Variants in FBXO16 observed in about 807,000 individuals in gnomAD.
The protein encoded by FBXO16 is F-box protein 16, also known as F-box only protein 16.
FBXO16 carries 31 observed loss-of-function variants against 41.0 expected under a neutral mutation model. The ratio of observed to expected loss-of-function variants is 0.76; its 90% CI spans 0.57 to 1.02. The LOEUF (loss-of-function observed/expected upper bound fraction) is 1.02, where lower values mean the gene tolerates loss of function less well. Ranked by LOEUF, FBXO16 falls within the 50% of genes least tolerant of loss-of-function variation. The pLI is 0.00. For synonymous variants in FBXO16, 133 were observed against 117.8 expected (o/e 1.13, Z -0.84); for missense variants, 361 against 346.2 (o/e 1.04, Z -0.34).
In FBXO16 at chr8:28,452,347, C is replaced by T. The variant is rs765810228; in HGVS notation, c.637G>A (p.Glu213Lys). The change falls in exon 6 of 9, where the codon GAG becomes AAG. Residue 213 changes from glutamate to lysine, a missense_variant. Glu to Lys is a moderately conservative substitution (Grantham distance 56). Coordinates refer to ENST00000380254, the MANE Select transcript of FBXO16 (RefSeq NM_172366.4). ...GATCGCCAGGGTGGAAGTGCTTTCT[C>T]CCCTGAGTTATTCTTCTTTCTTAAA... is the stretch of plus-strand genomic sequence containing the variant. ...SSLRKKNNSG[E>K]KALPPWRSSD... 6.2e-7 allele frequency: 1 copy of T among 1,614,156 alleles called. No individual in the cohort carries two copies. The highest frequency in any genetic ancestry group is 1.1e-5 in the South Asian group (1 of 91,080).
At chr8:28,441,489 A>G (rs1802773531) in intron 7 of FBXO16, among the ~76,000 whole-genome samples, 1 of 152,222 alleles carries the variant, frequency 6.6e-6, no homozygotes, top group African/African-American at 2.4e-5. Flanking sequence ...TAATCCCAGC[A>G]CTTTGGGAGG....
At chr8:28,490,000 C>T (rs187370492) in intron 1 of FBXO16, among the ~76,000 whole-genome samples, 186 bp downstream of exon 1, 1 of 152,152 alleles carries the variant, frequency 6.6e-6, no homozygotes, top group East Asian at 1.9e-4. Flanking sequence ...AAAGCTAATG[C>T]TTGGTAGGCA....
chr8:28,453,604 T>C (rs1381775862), intron 5 of FBXO16, among the ~76,000 whole-genome samples: 1 of 151,938 alleles, frequency 6.6e-6, no homozygotes, highest in East Asian at 1.9e-4. Flanking sequence ...ATTAAGAGAT[T>C]AGGGAAGCTT....
chr8:28,453,759 G>A (rs1159976978), intron 5 of FBXO16, among the ~76,000 whole-genome samples: 1 of 151,918 alleles, frequency 6.6e-6, no homozygotes, highest in Non-Finnish European at 1.5e-5. Context: ...AGTACTCAGT[G>A]TTGTAATTAT....
chr8:28,439,233 A>T (rs1482053751), intron 7 of FBXO16, among the ~76,000 whole-genome samples: 1 of 152,162 alleles, frequency 6.6e-6, no homozygotes, highest in Non-Finnish European at 1.5e-5. Flanking sequence ...CAGATGAAGA[A>T]ACTGAGGCCT....
chr8:28,436,760 A>G (rs187197897), intron 7 of FBXO16, among the ~76,000 whole-genome samples: 1 of 152,248 alleles, frequency 6.6e-6, no homozygotes, highest in Non-Finnish European at 1.5e-5. Context: ...TTTATGTTAT[A>G]TATATATTTT....
intron 6 of FBXO16, among the ~76,000 whole-genome samples, chr8:28,449,496 T>A (rs1191484824): frequency 6.6e-6 from 1 of 151,894 alleles, no homozygotes; most frequent in Non-Finnish European, 1.5e-5. Flanking sequence ...TAATTTTATT[T>A]TATTTTTATA....
chr8:28,487,254 G>A (rs1478627830), intron 1 of FBXO16, among the ~76,000 whole-genome samples: 1 of 152,004 alleles, frequency 6.6e-6, no homozygotes, highest in Non-Finnish European at 1.5e-5. Context: ...TGCCAATGTG[G>A]ACGTCCTGCC....
chr8:28,458,697 C>A (rs1450543894), intron 4 of FBXO16, among the ~76,000 whole-genome samples: 1 of 152,042 alleles, frequency 6.6e-6, no homozygotes, highest in Non-Finnish European at 1.5e-5. Context: ...GGATTACAGG[C>A]ATGCGCCACT....
At chr8:28,439,974 A>AT (rs34129347) in intron 7 of FBXO16, among the ~76,000 whole-genome samples, 1,507 of 148,848 alleles carry the variant, frequency 0.01, 31 homozygotes, top group African/African-American at 0.034. Flanking sequence ...AATGTAACGG[A>AT]TTTTTTTTTT....
chr8:28,447,135 T>C (rs1223190215), intron 7 of FBXO16, 36 bp downstream of exon 7: 1 of 1,546,124 alleles, frequency 6.5e-7, no homozygotes, highest in African/African-American at 1.4e-5. Flanking sequence ...TTTTCATTAA[T>C]GTTATGGTGA....
intron 7 of FBXO16, among the ~76,000 whole-genome samples, chr8:28,431,631 C>T (rs965964656): frequency 2.0e-5 from 3 of 152,110 alleles, no homozygotes; most frequent in African/African-American, 4.8e-5. Context: ...GACTTAACAG[C>T]AAGAAGCATC....
chr8:28,478,595 C>A (rs11993376), intron 2 of FBXO16, among the ~76,000 whole-genome samples: 42,288 of 151,810 alleles, frequency 0.28, 5,987 homozygotes, highest in Middle Eastern at 0.32. Flanking sequence ...AGGCCAAGGC[C>A]AGTGGATCAC....
intron 7 of FBXO16, among the ~76,000 whole-genome samples, chr8:28,446,393 G>C (rs576272309): frequency 6.6e-6 from 1 of 150,744 alleles, no homozygotes; most frequent in Admixed American, 6.6e-5. Flanking sequence ...GGCTGCGCTC[G>C]AATCCCTGAC....
intron 7 of FBXO16, among the ~76,000 whole-genome samples, chr8:28,437,254 C>T (rs1448894407): frequency 3.3e-5 from 5 of 152,194 alleles, no homozygotes; most frequent in Admixed American, 6.5e-5. Flanking sequence ...GCTAAGTGAA[C>T]GAGAGCAGGT....
At chr8:28,486,755 G>A (rs963945864) in intron 1 of FBXO16, among the ~76,000 whole-genome samples, 11 of 152,100 alleles carry the variant, frequency 7.2e-5, no homozygotes, top group East Asian at 1.9e-4. Context: ...TGGGAGAATC[G>A]TTTGGGCCCA....
chr8:28,487,257 G>A lies in FBXO16; in HGVS notation c.-17+2929C>T, dbSNP rs140996145. On this transcript the variant is annotated intron_variant, in intron 1 of 8. Transcript: ENST00000380254. ...CCTGCTGAAGTGTGCCAATGTGGACGTCCTGCCTCGTCTCTTGCTATTATC... is the reference window on the plus strand; with the variant it reads ...CCTGCTGAAGTGTGCCAATGTGGACATCCTGCCTCGTCTCTTGCTATTATC... Among the ~76,000 whole-genome samples, 810 of 152,048 alleles carry A rather than the reference G, an allele frequency of 5.3e-3. 19 individuals are homozygous for A. Among genetic ancestry groups the A allele is most frequent in the Non-Finnish European group, 4.8e-3 (326 of 67,948 alleles).
At chr8:28,464,688 C>T (rs1346033851) in intron 3 of FBXO16, among the ~76,000 whole-genome samples, 1 of 152,188 alleles carries the variant, frequency 6.6e-6, no homozygotes, top group African/African-American at 2.4e-5. Flanking sequence ...GAGTCTCACT[C>T]TGTTGCCTAG....
chr8:28,478,973 T>C (rs1368832137), intron 2 of FBXO16, among the ~76,000 whole-genome samples: 2 of 152,068 alleles, frequency 1.3e-5, no homozygotes, highest in Non-Finnish European at 2.9e-5. Context: ...ATCTGCTTGT[T>C]TAAAAGTGTG....
Sources: allele counts gnomAD v4.1 joint callset (sites outside exome capture counted in the v4.1 genomes callset), GRCh38; gene constraint gnomAD v4.1.1; transcripts MANE v1.5; gene names NCBI Gene and HGNC (gene_info 2026-07-23, HGNC 2026-07-21).